Variants in IMMP2L observed in about 807,000 individuals in gnomAD.
The protein encoded by IMMP2L is inner mitochondrial membrane peptidase subunit 2.
In IMMP2L, 18 loss-of-function variants were observed where a neutral mutation model predicts 19.3. The ratio of observed to expected loss-of-function variants is 0.93; its 90% CI spans 0.64 to 1.38. IMMP2L has a LOEUF of 1.38. Ranked by LOEUF, IMMP2L falls within the 40% of genes most tolerant of loss-of-function variation. The pLI is 0.00. For synonymous variants in IMMP2L, 76 were observed against 73.0 expected, an observed-to-expected ratio of 1.04 and a Z score of -0.21; for missense variants, 233 against 218.2, an observed-to-expected ratio of 1.07 and a Z score of -0.43.
At chr7:110,965,840 G>C (rs1314145531) in intron 3 of IMMP2L, among the ~76,000 whole-genome samples, 2 of 151,868 alleles carry the variant, frequency 1.3e-5, no homozygotes, top group Admixed American at 6.6e-5. Context: ...AGGGACATTG[G>C]TACTCTCTAT....
chr7:110,974,420 T>C (rs528590231), intron 3 of IMMP2L, among the ~76,000 whole-genome samples: 3 of 152,284 alleles, frequency 2.0e-5, no homozygotes, highest in Non-Finnish European at 4.4e-5. Flanking sequence ...TACATAACAG[T>C]GTTAAACTCT....
chr7:110,890,170 T>C (rs1459576663), intron 4 of IMMP2L, among the ~76,000 whole-genome samples: 2 of 152,154 alleles, frequency 1.3e-5, no homozygotes, highest in African/African-American at 4.8e-5. Flanking sequence ...CAATCAATCT[T>C]TTTTTTCTTT....
intron 4 of IMMP2L, among the ~76,000 whole-genome samples, chr7:110,894,137 A>C (rs1432558375): frequency 6.6e-6 from 1 of 151,932 alleles, no homozygotes; most frequent in Non-Finnish European, 1.5e-5. Context: ...CCTCCCCTAC[A>C]TGTCATTCAT....
chr7:111,487,619 A>C (rs1842764490), intron 2 of IMMP2L, among the ~76,000 whole-genome samples: 1 of 152,184 alleles, frequency 6.6e-6, no homozygotes, highest in African/African-American at 2.4e-5. Context: ...AGAGGTATGA[A>C]AAGCCTTAAG....
chr7:111,266,953 G>A (rs1817902090), intron 3 of IMMP2L, among the ~76,000 whole-genome samples: 1 of 152,054 alleles, frequency 6.6e-6, no homozygotes, highest in Non-Finnish European at 1.5e-5. Context: ...TCAAGGCCCG[G>A]GTGTCTTTGA....
At chr7:111,076,885 G>A (rs1336516600) in intron 3 of IMMP2L, among the ~76,000 whole-genome samples, 1 of 152,012 alleles carries the variant, frequency 6.6e-6, no homozygotes, top group Non-Finnish European at 1.5e-5. Flanking sequence ...AAAATCCTCA[G>A]GGCAAAATAA....
chr7:110,902,801 G>A lies in IMMP2L; in HGVS notation c.306-16106C>T, dbSNP rs1280430896. Among the ~76,000 whole-genome samples, 6 of 88,740 alleles carry A rather than the reference G, an allele frequency of 6.8e-5. 1 individual carries two copies. Among genetic ancestry groups the A allele is most frequent in the Admixed American group, 1.1e-4 (1 of 8,794 alleles). The allele number at this position is 88,740 out of a possible 152,430, so 58.2% of individuals were successfully genotyped here. Reference sequence around the variant, plus strand: ...AAAAAAATTAGCCGGGCGTAGTGGCGGGCGCCTGTAGTCCCAGCTACTTGG... The same window carrying A: ...AAAAAAATTAGCCGGGCGTAGTGGCAGGCGCCTGTAGTCCCAGCTACTTGG... On this transcript the variant is annotated intron_variant, in intron 4 of 5. Coordinates refer to ENST00000405709, the MANE Select transcript of IMMP2L (RefSeq NM_032549.4).
At chr7:110,931,281 T>C (rs1477698153) in intron 4 of IMMP2L, among the ~76,000 whole-genome samples, 1 of 152,152 alleles carries the variant, frequency 6.6e-6, no homozygotes, top group Admixed American at 6.5e-5. Context: ...CAAATGGATG[T>C]CATTAAACCC....
chr7:111,096,459 C>T (rs1279939705), intron 3 of IMMP2L, among the ~76,000 whole-genome samples: 1 of 150,530 alleles, frequency 6.6e-6, no homozygotes, highest in East Asian at 2.0e-4. Context: ...AAATTAAAAT[C>T]TTTATTTCTT....
chr7:111,279,123 A>G (rs1271941677), intron 3 of IMMP2L, among the ~76,000 whole-genome samples: 1 of 152,202 alleles, frequency 6.6e-6, no homozygotes, highest in Admixed American at 6.5e-5. Context: ...TTTATCTCCC[A>G]ATAACAAATC....
intron 5 of IMMP2L, among the ~76,000 whole-genome samples, chr7:110,764,919 T>C (rs1442432681): frequency 2.0e-5 from 3 of 152,108 alleles, no homozygotes; most frequent in Non-Finnish European, 4.4e-5. Context: ...TTAATGTCTT[T>C]GTGGTTTCTT....
At chr7:111,480,597 CA>C (rs925037556) in intron 3 of IMMP2L, among the ~76,000 whole-genome samples, 5,213 of 54,990 alleles carry the variant, frequency 0.095, 243 homozygotes, top group African/African-American at 0.22. Context: ...ATTTTACTGT[CA>C]AAAAAAAAAA....
chr7:111,010,912 A>C (rs2129563516), intron 3 of IMMP2L, among the ~76,000 whole-genome samples: 1 of 151,412 alleles, frequency 6.6e-6, no homozygotes, highest in African/African-American at 2.4e-5. Flanking sequence ...CTCAAAGTTT[A>C]CTGCTTAATG....
intron 3 of IMMP2L, among the ~76,000 whole-genome samples, chr7:111,268,490 A>T (rs1818065761): frequency 6.8e-6 from 1 of 147,574 alleles, no homozygotes; most frequent in Non-Finnish European, 1.5e-5. Flanking sequence ...TATCTAATAA[A>T]AAAAAAAAAA....
chr7:110,780,070 T>A (rs1339026172), intron 5 of IMMP2L, among the ~76,000 whole-genome samples: 1 of 151,804 alleles, frequency 6.6e-6, no homozygotes. Context: ...TGTACTGTCT[T>A]TAAAATCATC....
chr7:110,744,463 C>G (rs1247163154), intron 5 of IMMP2L, among the ~76,000 whole-genome samples: 1 of 152,160 alleles, frequency 6.6e-6, no homozygotes, highest in East Asian at 1.9e-4. Context: ...GAGACACCTC[C>G]CAGTAGGAGC....
intron 3 of IMMP2L, among the ~76,000 whole-genome samples, chr7:111,089,394 G>A (rs1372194910): frequency 6.6e-6 from 1 of 151,782 alleles, no homozygotes; most frequent in African/African-American, 2.4e-5. Flanking sequence ...AAGATACCAT[G>A]GCATAAATAA....
chr7:111,487,759 CATGTCCACA>C (rs1842775440), intron 2 of IMMP2L, among the ~76,000 whole-genome samples: 1 of 152,076 alleles, frequency 6.6e-6, no homozygotes, highest in South Asian at 2.1e-4. Flanking sequence ...AAATCACAGT[CATGTCCACA>C]AATCTTCACA....
chr7:111,375,082 AAG>A lies in IMMP2L; in HGVS notation c.239+112154_239+112155del, dbSNP rs200372826. On this transcript the variant is annotated intron_variant, in intron 3 of 5. Coordinates refer to ENST00000405709, the MANE Select transcript of IMMP2L (RefSeq NM_032549.4). ...TCCCACTATTTAGGAGGTGCTCAGA[AAG>A]AGAGTCTTCACTGATTATTAACTCA... 9.9e-5 allele frequency among the ~76,000 whole-genome samples: 15 copies of A among 152,152 alleles called. 1 individual carries two copies. In the East Asian group the frequency reaches 2.5e-3, roughly 26 times the overall value.
Sources: gnomAD v4.1 joint callset for allele counts (sites outside exome capture counted in the v4.1 genomes callset) on GRCh38, gnomAD v4.1.1 for gene constraint, MANE v1.5 for transcripts, NCBI Gene and HGNC (gene_info 2026-07-23, HGNC 2026-07-21) for gene names.